CAST: variants seen among roughly 807,000 people sequenced by gnomAD.
CAST encodes MIR583 host.
In CAST, 76 loss-of-function variants were observed where a neutral mutation model predicts 119.6. The observed-to-expected ratio is 0.64, with a 90% CI of 0.53 to 0.77. The LOEUF (loss-of-function observed/expected upper bound fraction) is 0.77, where lower values mean the gene tolerates loss of function less well. CAST is among the 30% of genes least tolerant of loss of function. The pLI is 0.00. For missense variants in CAST, 953 were observed against 946.5 expected, an observed-to-expected ratio of 1.01 and a Z score of -0.09; for synonymous variants, 319 against 331.6, an observed-to-expected ratio of 0.96 and a Z score of 0.41.
the CAST span, among the ~76,000 whole-genome samples, chr5:96,428,284 G>A: frequency 6.6e-6 from 1 of 152,102 alleles, no homozygotes; most frequent in Non-Finnish European, 1.5e-5. Flanking sequence ...GAAGTTGAAA[G>A]GATGTTTTTA....
the CAST span, among the ~76,000 whole-genome samples, chr5:96,185,192 GTTGT>G: frequency 6.6e-6 from 1 of 152,112 alleles, no homozygotes; most frequent in Non-Finnish European, 1.5e-5. Flanking sequence ...TTTTAATGGA[GTTGT>G]TTGTTTTTTT....
chr5:96,072,631 G>A, the CAST span, among the ~76,000 whole-genome samples: 4 of 152,302 alleles, frequency 2.6e-5, no homozygotes, highest in South Asian at 4.1e-4. Flanking sequence ...CAATATCCCT[G>A]GCATAGCTGT....
the CAST span, among the ~76,000 whole-genome samples, chr5:96,010,028 G>A: frequency 2.0e-5 from 3 of 151,980 alleles, no homozygotes; most frequent in Non-Finnish European, 4.4e-5. Context: ...CAGTTATCCC[G>A]GCACCGTTTA....
the CAST span, among the ~76,000 whole-genome samples, chr5:96,234,292 G>T: frequency 6.6e-6 from 1 of 152,190 alleles, no homozygotes; most frequent in African/African-American, 2.4e-5. Flanking sequence ...GGGCTGGAAG[G>T]AAGTGTTCAT....
At chr5:96,286,914 G>A in the CAST span, among the ~76,000 whole-genome samples, 1 of 152,130 alleles carries the variant, frequency 6.6e-6, no homozygotes, top group South Asian at 2.1e-4. Flanking sequence ...AATTCAATTA[G>A]GTGTTTAAAT....
the CAST span, among the ~76,000 whole-genome samples, chr5:96,234,734 A>G: frequency 6.6e-6 from 1 of 152,188 alleles, no homozygotes; most frequent in Non-Finnish European, 1.5e-5. Context: ...ACTTTAATGG[A>G]TGTTCCATCC....
At chr5:96,016,080 G>A in the CAST span, among the ~76,000 whole-genome samples, 4 of 152,214 alleles carry the variant, frequency 2.6e-5, no homozygotes, top group African/African-American at 4.8e-5. Flanking sequence ...GCAGAGCTGA[G>A]GCTTCCCTGA....
chr5:96,126,465 A>G, the CAST span, among the ~76,000 whole-genome samples: 6 of 152,066 alleles, frequency 3.9e-5, no homozygotes, highest in African/African-American at 9.7e-5. Flanking sequence ...GACTCATACT[A>G]TATATAACTG....
intron 21 of CAST, 60 bp downstream of exon 21, chr5:96,754,221 A>C (rs1765787958): frequency 3.0e-6 from 3 of 1,010,708 alleles, no homozygotes; most frequent in African/African-American, 3.2e-5. Context: ...CTCCCCCTGC[A>C]AATAAGTTAG....
intron 1 of CAST, among the ~76,000 whole-genome samples, chr5:96,621,399 C>T (rs935866387): frequency 1.3e-5 from 2 of 152,270 alleles, no homozygotes; most frequent in African/African-American, 4.8e-5. Flanking sequence ...ATACTCGAGA[C>T]TGGGTAATTT....
the CAST span, chr5:96,399,978 C>A: frequency 1.2e-6 from 2 of 1,613,798 alleles, no homozygotes; most frequent in Non-Finnish European, 1.7e-6. Flanking sequence ...TTGTCCTTTA[C>A]AACACACTCT....
At chr5:96,679,906 C>T (rs1232834147) in intron 2 of CAST, among the ~76,000 whole-genome samples, 1 of 152,030 alleles carries the variant, frequency 6.6e-6, no homozygotes, top group Non-Finnish European at 1.5e-5. Flanking sequence ...TAAACTACTG[C>T]TCTAAACTTG....
chr5:96,564,345 A>T (rs943500124), intron 1 of CAST, among the ~76,000 whole-genome samples: 6 of 152,238 alleles, frequency 3.9e-5, no homozygotes, highest in African/African-American at 1.4e-4. Context: ...AATTGACAAC[A>T]AGATCTTCAA....
At chr5:96,717,033 AT>A (rs1757312907) in intron 3 of CAST, among the ~76,000 whole-genome samples, 1 of 152,184 alleles carries the variant, frequency 6.6e-6, no homozygotes, top group Non-Finnish European at 1.5e-5. Flanking sequence ...TTAAAACTGT[AT>A]CTTATTCTGT....
the CAST span, among the ~76,000 whole-genome samples, chr5:96,502,648 C>T: frequency 6.6e-6 from 1 of 150,540 alleles, no homozygotes; most frequent in Non-Finnish European, 1.5e-5. Context: ...TTCTTTCTTT[C>T]TTTCTTTCTT....
the CAST span, among the ~76,000 whole-genome samples, chr5:96,413,526 G>C: frequency 3.9e-5 from 6 of 152,178 alleles, no homozygotes; most frequent in African/African-American, 1.4e-4. Context: ...AGAGCCAGGC[G>C]CAGTGGCTCA....
At chr5:96,454,486 G>A in the CAST span, among the ~76,000 whole-genome samples, 1 of 152,286 alleles carries the variant, frequency 6.6e-6, no homozygotes, top group Admixed American at 6.5e-5. Flanking sequence ...GTCATCTCAT[G>A]ACACCCTAAT....
At chr5:96,642,484 T>TATTTGC (rs924254257) in intron 1 of CAST, among the ~76,000 whole-genome samples, 3 of 151,982 alleles carry the variant, frequency 2.0e-5, no homozygotes, top group Admixed American at 1.3e-4. Flanking sequence ...TTTGTGGCAC[T>TATTTGC]ATTTGCATTG....
chr5:96,138,447 G>C, the CAST span, among the ~76,000 whole-genome samples: 2 of 151,778 alleles, frequency 1.3e-5, no homozygotes, highest in Non-Finnish European at 2.9e-5. Context: ...TTATTGTGGT[G>C]GCAATTCTAG....
Sources: allele counts gnomAD v4.1 joint callset (sites outside exome capture counted in the v4.1 genomes callset), GRCh38; gene constraint gnomAD v4.1.1; transcripts MANE v1.5; gene names NCBI Gene and HGNC (gene_info 2026-07-23, HGNC 2026-07-21).